The following ZMYM2 variants were observed in gnomAD, a reference collection of about 807,000 sequenced individuals.
ZMYM2 encodes zinc finger MYM-type protein 2.
Under a neutral mutation model 162.8 loss-of-function variants are expected in ZMYM2, and 56 were observed. The observed-to-expected ratio is 0.34, with a 90% CI of 0.28 to 0.43. The LOEUF (loss-of-function observed/expected upper bound fraction) is 0.43, where lower values mean the gene tolerates loss of function less well. Among genes scored for constraint, ZMYM2 ranks in the 20% least tolerant of loss-of-function variants. ZMYM2 has a pLI of 1.00. For synonymous variants in ZMYM2, 510 were observed against 541.6 expected (o/e 0.94, Z 0.81); for missense variants, 1,275 against 1,621.8 (o/e 0.79, Z 3.67).
the ZMYM2 span, among the ~76,000 whole-genome samples, chr13:19,913,940 TA>T: frequency 3.2e-4 from 48 of 152,320 alleles, no homozygotes; most frequent in African/African-American, 9.6e-4. Flanking sequence ...ACAGTTGCAG[TA>T]CTGCAGCCCT....
At chr13:19,943,996 CATT>C in the ZMYM2 span, among the ~76,000 whole-genome samples, 1 of 152,018 alleles carries the variant, frequency 6.6e-6, no homozygotes. Context: ...TGGTGGGAGT[CATT>C]GTAAAATATG....
chr13:20,081,597 A>T (rs1424901283), intron 21 of ZMYM2, among the ~76,000 whole-genome samples: 1 of 152,144 alleles, frequency 6.6e-6, no homozygotes, highest in African/African-American at 2.4e-5. Context: ...CTTACCACTC[A>T]GTGTTTTTCT....
intron 12 of ZMYM2, among the ~76,000 whole-genome samples, chr13:20,038,777 A>G (rs1417165162): frequency 2.0e-5 from 3 of 150,318 alleles, no homozygotes; most frequent in African/African-American, 7.4e-5. Flanking sequence ...TTTTGGTTCC[A>G]TAGGATTTTA....
rs897953025 is a variant in ZMYM2 at position 20,057,030 on chromosome 13, A to G, written c.2494-1545A>G. 3.3e-5 allele frequency among the ~76,000 whole-genome samples: 5 copies of G among 152,212 alleles called. No individual in the cohort carries two copies. In the East Asian group the frequency reaches 9.6e-4, roughly 29 times the overall value. On this transcript the variant is annotated intron_variant, in intron 14 of 24. Transcript: ENST00000610343. The stretch of plus-strand genomic sequence containing the variant: ...GGGGCACATCAAAGGTTGAGAGGTC[A>G]GACCACACAGCGCAGTACCTCATCA...
rs565271043 is a variant in ZMYM2 at position 19,961,396 on chromosome 13, G to C, written c.-11+1370G>C. On this transcript the variant is annotated intron_variant, in intron 2 of 24. Transcript: ENST00000610343. ...TTTCAATATGTCTGTACAATTTACAGTCTGTAATTGTTTTCTAAATATTGC... is the reference window on the plus strand; with the variant it reads ...TTTCAATATGTCTGTACAATTTACACTCTGTAATTGTTTTCTAAATATTGC... Among the ~76,000 whole-genome samples the C allele has an allele frequency of 4.2e-4, 64 of 152,242 alleles. No homozygotes were observed. In the South Asian group the frequency reaches 4.3e-3, roughly 10 times the overall value.
intron 2 of ZMYM2, among the ~76,000 whole-genome samples, chr13:19,978,715 T>C (rs996675184): frequency 6.6e-6 from 1 of 152,152 alleles, no homozygotes; most frequent in South Asian, 2.1e-4. Flanking sequence ...GTTCCCAGCC[T>C]AAAATTACTG....
At chr13:20,043,430 A>C (rs1489851708) in intron 12 of ZMYM2, among the ~76,000 whole-genome samples, 1 of 152,140 alleles carries the variant, frequency 6.6e-6, no homozygotes, top group Non-Finnish European at 1.5e-5. Context: ...TGCACTTGCC[A>C]CAGTGGTGGA....
At chr13:19,888,619 G>T in the ZMYM2 span, among the ~76,000 whole-genome samples, 1 of 151,430 alleles carries the variant, frequency 6.6e-6, no homozygotes, top group African/African-American at 2.4e-5. Flanking sequence ...TTATTTTTGG[G>T]ACAGAGTTTG....
In ZMYM2 at chr13:20,086,104, C is replaced by A; in HGVS notation, c.*90C>A. The A allele has an allele frequency of 1.5e-6, 2 of 1,365,628 alleles. No homozygotes were observed. Among genetic ancestry groups the A allele is most frequent in the Non-Finnish European group, 2.0e-6 (2 of 1,011,796 alleles). 84.6% of individuals were successfully genotyped at this position (1,365,628 alleles called of 1,614,324 possible). ...TTATGGAAAACATTTCAAGTTTACT[C>A]CTTCTGTTTTGAGTTTTGTAGCAGT... is the stretch of plus-strand genomic sequence containing the variant. On this transcript the variant is annotated 3_prime_UTR_variant, in exon 25 of 25. Transcript: ENST00000610343.
chr13:20,075,911 G>T (rs749753881), intron 21 of ZMYM2, among the ~76,000 whole-genome samples: 2 of 151,724 alleles, frequency 1.3e-5, no homozygotes, highest in Non-Finnish European at 1.5e-5. Flanking sequence ...GGCCAGGCTG[G>T]TCTCAAACGC....
intron 7 of ZMYM2, chr13:20,024,541 C>T (rs1952405365): frequency 4.5e-6 from 1 of 223,022 alleles, no homozygotes; most frequent in East Asian, 6.6e-5. Flanking sequence ...TGCAAACTTG[C>T]AACATAGTGG....
the ZMYM2 span, among the ~76,000 whole-genome samples, chr13:19,940,925 C>G: frequency 6.6e-6 from 1 of 152,122 alleles, no homozygotes; most frequent in African/African-American, 2.4e-5. Context: ...ATTATTACTG[C>G]CCTCCAAGAG....
At position 20,087,005 on chromosome 13, in the gene ZMYM2, G is replaced by A. The variant is rs550434834; in HGVS notation, c.*991G>A. 1.1e-5 allele frequency: 2 copies of A among 182,780 alleles called. No individual in the cohort carries two copies. Among genetic ancestry groups the A allele is most frequent in the African/African-American group, 4.7e-5 (2 of 42,532 alleles). 11.3% of individuals were successfully genotyped at this position (182,780 alleles called of 1,614,324 possible). On this transcript the variant is annotated 3_prime_UTR_variant, in exon 25 of 25. Transcript: ENST00000610343. ...TAGCTGTGTAGTACTCTAAAACTTA[G>A]CAATTTTATCAGAATTCTTGTGCCT...
At chr13:20,029,240 A>G (rs1026856809) in intron 9 of ZMYM2, among the ~76,000 whole-genome samples, 1 of 152,214 alleles carries the variant, frequency 6.6e-6, no homozygotes, top group African/African-American at 2.4e-5. Flanking sequence ...GTGTCCTCAC[A>G]TGGTGAAGGT....
chr13:19,946,875 G>A, the ZMYM2 span, among the ~76,000 whole-genome samples: 1 of 152,116 alleles, frequency 6.6e-6, no homozygotes, highest in African/African-American at 2.4e-5. Flanking sequence ...TAGATGTGGT[G>A]TCTTAAAAGC....
chr13:19,916,875 A>T, the ZMYM2 span, among the ~76,000 whole-genome samples: 1 of 152,204 alleles, frequency 6.6e-6, no homozygotes, highest in African/African-American at 2.4e-5. Flanking sequence ...AAAATATATA[A>T]AAATAACACT....
At chr13:19,997,707 A>G (rs1950119653) in intron 3 of ZMYM2, among the ~76,000 whole-genome samples, 1 of 152,158 alleles carries the variant, frequency 6.6e-6, no homozygotes, top group Non-Finnish European at 1.5e-5. Context: ...TCTTATATGT[A>G]AAAATATAAA....
the ZMYM2 span, among the ~76,000 whole-genome samples, chr13:19,902,262 T>C: frequency 6.6e-6 from 1 of 152,210 alleles, no homozygotes; most frequent in Admixed American, 6.5e-5. Context: ...TGGGGAGTTT[T>C]GGTTTAATGG....
At chr13:19,867,051 C>G in the ZMYM2 span, among the ~76,000 whole-genome samples, 1 of 152,138 alleles carries the variant, frequency 6.6e-6, no homozygotes, top group Non-Finnish European at 1.5e-5. Flanking sequence ...TTTATTTATT[C>G]TTTGAAAGTG....
Sources: allele counts gnomAD v4.1 joint callset (sites outside exome capture counted in the v4.1 genomes callset), GRCh38; gene constraint gnomAD v4.1.1; transcripts MANE v1.5; gene names NCBI Gene and HGNC (gene_info 2026-07-23, HGNC 2026-07-21).